HAPSTR1: variants seen among roughly 807,000 people sequenced by gnomAD.
The protein encoded by HAPSTR1 is HUWE1 associated protein modifying stress responses, also known as HUWE1-associated protein modifying stress responses 1.
At chr16:9,092,082 A>G in the HAPSTR1 span, 2 of 1,540,174 alleles carry the variant, frequency 1.3e-6, no homozygotes, top group South Asian at 1.2e-5. Context: ...GCCGAGATCC[A>G]GGAGCACGGG....
the HAPSTR1 span, among the ~76,000 whole-genome samples, chr16:9,096,918 C>T: frequency 6.6e-6 from 1 of 152,056 alleles, no homozygotes; most frequent in Non-Finnish European, 1.5e-5. Context: ...TTATAATAGA[C>T]TGCTTTTTTT....
the HAPSTR1 span, among the ~76,000 whole-genome samples, chr16:9,115,705 C>T: frequency 1.3e-5 from 2 of 152,178 alleles, no homozygotes; most frequent in Non-Finnish European, 2.9e-5. Flanking sequence ...ACCACCGCCT[C>T]CCGGGTTCAA....
At chr16:9,095,862 A>G in the HAPSTR1 span, among the ~76,000 whole-genome samples, 1 of 149,510 alleles carries the variant, frequency 6.7e-6, no homozygotes, top group Non-Finnish European at 1.5e-5. Flanking sequence ...TTTCCAAAAA[A>G]GGAAGGAAGC....
the HAPSTR1 span, chr16:9,117,586 G>GTAT: frequency 6.5e-6 from 1 of 152,782 alleles, no homozygotes; most frequent in Non-Finnish European, 1.5e-5. Context: ...TAAAGTAGCA[G>GTAT]TATTATTATT....
chr16:9,094,277 G>A, the HAPSTR1 span, among the ~76,000 whole-genome samples: 2 of 152,164 alleles, frequency 1.3e-5, no homozygotes, highest in East Asian at 1.9e-4. Flanking sequence ...TAGTGCCTCA[G>A]TGGTTAGCTT....
At chr16:9,099,863 A>G in the HAPSTR1 span, among the ~76,000 whole-genome samples, 2 of 152,192 alleles carry the variant, frequency 1.3e-5, no homozygotes, top group Non-Finnish European at 2.9e-5. Context: ...TAATTAGCTC[A>G]AGTTATGAGA....
At chr16:9,103,531 C>G in the HAPSTR1 span, 3 of 382,070 alleles carry the variant, frequency 7.9e-6, no homozygotes, top group Non-Finnish European at 1.4e-5. Context: ...GAATTTATCG[C>G]TTTACACTTA....
At chr16:9,103,110 G>C in the HAPSTR1 span, 1 of 1,614,050 alleles carries the variant, frequency 6.2e-7, no homozygotes, top group Non-Finnish European at 8.5e-7. Flanking sequence ...GATTTGATCA[G>C]CTTCCTGTGT....
chr16:9,099,305 C>A, the HAPSTR1 span, among the ~76,000 whole-genome samples: 9 of 151,894 alleles, frequency 5.9e-5, no homozygotes, highest in Admixed American at 5.9e-4. Context: ...TCAAGTGACT[C>A]TTCTGCCTCA....
chr16:9,100,769 A>C, the HAPSTR1 span, among the ~76,000 whole-genome samples: 1 of 152,060 alleles, frequency 6.6e-6, no homozygotes, highest in Non-Finnish European at 1.5e-5. Flanking sequence ...TCCTGACTTC[A>C]GGTGATCCAC....
chr16:9,104,978 A>G, the HAPSTR1 span: 12 of 152,218 alleles, frequency 7.9e-5, no homozygotes, highest in African/African-American at 2.9e-4. Context: ...TTACTGTTAT[A>G]TTTTAGAAGA....
chr16:9,118,014 A>C, the HAPSTR1 span: 1 of 152,786 alleles, frequency 6.5e-6, no homozygotes, highest in African/African-American at 2.4e-5. Flanking sequence ...ATGGAATCGC[A>C]TGGAGATTCT....
the HAPSTR1 span, chr16:9,092,942 G>C: frequency 1.2e-6 from 2 of 1,609,270 alleles, no homozygotes; most frequent in Admixed American, 1.7e-5. Context: ...CAGCAGCCAG[G>C]ACTTTCTCTC....
chr16:9,092,899 T>G, the HAPSTR1 span: 4 of 1,538,554 alleles, frequency 2.6e-6, no homozygotes, highest in Admixed American at 4.4e-5. Flanking sequence ...TTGGTTTTTT[T>G]TTTTTTTGGC....
chr16:9,093,003 T>TA, the HAPSTR1 span: 1 of 1,608,306 alleles, frequency 6.2e-7, no homozygotes, highest in Non-Finnish European at 8.5e-7. Flanking sequence ...TCTACAAAGG[T>TA]AAAGATAACC....
chr16:9,093,969 A>G, the HAPSTR1 span, among the ~76,000 whole-genome samples: 1 of 152,144 alleles, frequency 6.6e-6, no homozygotes, highest in Non-Finnish European at 1.5e-5. Context: ...GTGCATTTCA[A>G]AAATACCAAT....
At chr16:9,094,203 T>C in the HAPSTR1 span, among the ~76,000 whole-genome samples, 3 of 152,126 alleles carry the variant, frequency 2.0e-5, no homozygotes, top group South Asian at 2.1e-4. Context: ...ACGCTAACTT[T>C]AGGGAATGAG....
chr16:9,118,110 T>G, the HAPSTR1 span: 10 of 152,646 alleles, frequency 6.6e-5, no homozygotes, highest in Admixed American at 2.6e-4. Context: ...TACAATGTTT[T>G]AGAGCATGTT....
At chr16:9,102,104 C>T in the HAPSTR1 span, among the ~76,000 whole-genome samples, 3 of 151,946 alleles carry the variant, frequency 2.0e-5, no homozygotes, top group Admixed American at 2.0e-4. Flanking sequence ...AGAGAGACTC[C>T]GTCTCAAAAA....
Sources: allele counts gnomAD v4.1 joint callset (sites outside exome capture counted in the v4.1 genomes callset), GRCh38; gene constraint gnomAD v4.1.1; transcripts MANE v1.5; gene names NCBI Gene and HGNC (gene_info 2026-07-23, HGNC 2026-07-21).